PDLIM5: variants seen among roughly 807,000 people sequenced by gnomAD.
PDLIM5 encodes PDZ and LIM domain protein 5.
A neutral mutation model predicts 64.2 loss-of-function variants in PDLIM5; 34 were observed. The ratio of observed to expected loss-of-function variants is 0.53; its 90% confidence interval spans 0.40 to 0.71. PDLIM5 has a LOEUF of 0.71. PDLIM5 is among the 30% of genes least tolerant of loss of function. The pLI is 0.00. For synonymous variants in PDLIM5, 253 were observed against 269.1 expected (o/e 0.94, Z 0.59); for missense variants, 683 against 733.6 (o/e 0.93, Z 0.80).
chr4:94,505,024 G>A (rs1243181134), intron 2 of PDLIM5, among the ~76,000 whole-genome samples: 2 of 152,172 alleles, frequency 1.3e-5, no homozygotes, highest in African/African-American at 2.4e-5. Flanking sequence ...GGGCAGTGGG[G>A]TGGTGGGGAT....
chr4:94,505,471 A>G (rs1728308313), intron 2 of PDLIM5, among the ~76,000 whole-genome samples: 1 of 152,066 alleles, frequency 6.6e-6, no homozygotes, highest in African/African-American at 2.4e-5. Context: ...CATATTGGCC[A>G]GGCTGATGTT....
intron 7 of PDLIM5, among the ~76,000 whole-genome samples, chr4:94,610,474 T>A (rs966743473): frequency 6.6e-6 from 1 of 152,216 alleles, no homozygotes; most frequent in East Asian, 1.9e-4. Context: ...ACAGTATTTG[T>A]TACTGGTTTT....
chr4:94,502,819 G>A (rs151057555), intron 2 of PDLIM5, among the ~76,000 whole-genome samples: 173 of 152,180 alleles, frequency 1.1e-3, no homozygotes, highest in African/African-American at 3.7e-3. Context: ...AGAGGTTGCA[G>A]TGAGTCAAGA....
intron 3 of PDLIM5, among the ~76,000 whole-genome samples, chr4:94,559,799 C>G (rs1247278516): frequency 6.6e-6 from 1 of 152,046 alleles, no homozygotes; most frequent in Non-Finnish European, 1.5e-5. Context: ...TATGACTGGG[C>G]CTTTGGGTTA....
At chr4:94,564,759 G>C (rs947517515) in intron 3 of PDLIM5, among the ~76,000 whole-genome samples, 1 of 148,270 alleles carries the variant, frequency 6.7e-6, no homozygotes. Context: ...GGGTTCAAGC[G>C]ATTCTCCTGC....
At chr4:94,594,199 G>C (rs539536000) in intron 7 of PDLIM5, among the ~76,000 whole-genome samples, 5 of 152,080 alleles carry the variant, frequency 3.3e-5, no homozygotes, top group African/African-American at 9.7e-5. Flanking sequence ...ATTGCCAAAA[G>C]TTGACACTTT....
intron 11 of PDLIM5, among the ~76,000 whole-genome samples, chr4:94,658,719 T>C (rs1355679334): frequency 6.6e-6 from 1 of 152,240 alleles, no homozygotes; most frequent in Non-Finnish European, 1.5e-5. Flanking sequence ...AGCTCCTTAG[T>C]TTAAACCAAC....
chr4:94,587,111 G>GC (rs745396279), intron 7 of PDLIM5: 14 of 1,576,624 alleles, frequency 8.9e-6, no homozygotes, highest in Non-Finnish European at 1.2e-5. Context: ...CAAGCAGCCA[G>GC]CACATACCTT....
At chr4:94,621,752 AG>A (rs1739256518) in intron 8 of PDLIM5, among the ~76,000 whole-genome samples, 1 of 152,248 alleles carries the variant, frequency 6.6e-6, no homozygotes. Context: ...TAATCAAAGT[AG>A]GCCAATATTA....
intron 5 of PDLIM5, chr4:94,585,017 T>A (rs1736044963): frequency 4.4e-6 from 6 of 1,370,708 alleles, no homozygotes; most frequent in Non-Finnish European, 6.2e-6. Flanking sequence ...ATCTTTCTGT[T>A]GAATACATTC....
At chr4:94,606,992 C>G (rs1469955145) in intron 7 of PDLIM5, among the ~76,000 whole-genome samples, 2 of 152,222 alleles carry the variant, frequency 1.3e-5, no homozygotes, top group Non-Finnish European at 2.9e-5. Flanking sequence ...CATACAAAGA[C>G]AGGCAGGGCC....
At chr4:94,479,018 G>A (rs746924796) in intron 2 of PDLIM5, among the ~76,000 whole-genome samples, 7 of 148,330 alleles carry the variant, frequency 4.7e-5, no homozygotes, top group Non-Finnish European at 8.9e-5. Context: ...TCCTGCCTCA[G>A]CCTTATGAGT....
intron 2 of PDLIM5, among the ~76,000 whole-genome samples, chr4:94,482,655 A>G (rs548630182): frequency 6.6e-5 from 10 of 152,208 alleles, no homozygotes; most frequent in Non-Finnish European, 1.5e-4. Context: ...CTTGCACTTT[A>G]GGAGGCCGAG....
At chr4:94,657,936 C>T (rs1187284990) in intron 11 of PDLIM5, among the ~76,000 whole-genome samples, 4 of 152,130 alleles carry the variant, frequency 2.6e-5, no homozygotes, top group Admixed American at 1.3e-4. Flanking sequence ...GAACTCCCGA[C>T]GTCAGGTGAT....
rs759565597 is a variant in PDLIM5 at position 94,618,071 on chromosome 4, C to CTGT, written c.990_991insTTG (p.Leu330dup). 1 of 1,611,888 alleles carries CTGT rather than the reference C, an allele frequency of 6.2e-7. No homozygotes were observed. The highest frequency in any genetic ancestry group is 1.3e-5 in the African/African-American group (1 of 74,900). On this transcript the variant is annotated inframe_insertion, in exon 8 of 13. Coordinates refer to ENST00000317968, the MANE Select transcript of PDLIM5 (RefSeq NM_006457.5). ...TTCCACACGGAGCATGCCCGAGAGC[C>CTGT]TGGACAGCCCAACCTCTGGCAGACC...
chr4:94,492,486 T>A (rs183383293), intron 2 of PDLIM5, among the ~76,000 whole-genome samples: 39 of 152,280 alleles, frequency 2.6e-4, no homozygotes, highest in African/African-American at 9.1e-4. Flanking sequence ...ACCACCTCTA[T>A]CTAATTACAA....
intron 2 of PDLIM5, among the ~76,000 whole-genome samples, chr4:94,458,161 A>C (rs1723547139): frequency 6.6e-6 from 1 of 152,168 alleles, no homozygotes; most frequent in Admixed American, 6.5e-5. Flanking sequence ...TAATGTTATA[A>C]ATTTTTAACT....
At chr4:94,596,907 T>C (rs1737110101) in intron 7 of PDLIM5, among the ~76,000 whole-genome samples, 1 of 152,130 alleles carries the variant, frequency 6.6e-6, no homozygotes, top group Non-Finnish European at 1.5e-5. Flanking sequence ...CTCTTTTGTG[T>C]TTTTCTATTT....
At chr4:94,504,824 T>C (rs993846903) in intron 2 of PDLIM5, among the ~76,000 whole-genome samples, 2 of 152,236 alleles carry the variant, frequency 1.3e-5, no homozygotes, top group Admixed American at 6.5e-5. Flanking sequence ...ATGTTCTGAA[T>C]GTTTCCAAAC....
Sources: allele counts gnomAD v4.1 joint callset (sites outside exome capture counted in the v4.1 genomes callset), GRCh38; gene constraint gnomAD v4.1.1; transcripts MANE v1.5; gene names NCBI Gene and HGNC (gene_info 2026-07-23, HGNC 2026-07-21).